Variants in CLASP2 observed in about 807,000 individuals in gnomAD.
CLASP2 encodes CLIP-associating protein 2.
A neutral mutation model predicts 194.4 loss-of-function variants in CLASP2; 47 were observed. The observed-to-expected ratio is 0.24, with a 90% confidence interval of 0.19 to 0.31. CLASP2 has a LOEUF of 0.31. Ranked by LOEUF, CLASP2 falls within the 10% of genes least tolerant of loss-of-function variation. The pLI is 1.00. For synonymous variants in CLASP2, 619 were observed against 633.5 expected (o/e 0.98, Z 0.34); for missense variants, 1,445 against 1,823.6 (o/e 0.79, Z 3.78).
At position 33,603,079 on chromosome 3, in the gene CLASP2, C is replaced by T. The variant is rs1454149289; in HGVS notation, c.1797G>A (p.Gln599=). 6.3e-7 allele frequency: 1 copy of T among 1,592,952 alleles called. No individual in the cohort carries two copies. The highest frequency in any genetic ancestry group is 1.1e-5 in the South Asian group (1 of 87,834). The change falls in exon 18 of 39, where the codon CAG becomes CAA. Residue 599 remains glutamine, a synonymous_variant. Coordinates refer to ENST00000682230, the MANE Select transcript of CLASP2 (RefSeq NM_001365631.1). ...SKASSLPGSL[Q]RSRSDIDVNA... ...TCACATCAATGTCACTTCGTGAACG[C>T]TGCAGGCTTCCTGGAAGGGAACTGG...
chr3:33,593,828 C>A (rs1044952756), intron 20 of CLASP2, among the ~76,000 whole-genome samples: 1 of 152,074 alleles, frequency 6.6e-6, no homozygotes, highest in East Asian at 1.9e-4. Context: ...TTCCACAGTG[C>A]GAGAAATCAT....
chr3:33,530,006 A>AAAT (rs1308618787), intron 34 of CLASP2, among the ~76,000 whole-genome samples: 36 of 150,726 alleles, frequency 2.4e-4, no homozygotes, highest in African/African-American at 8.6e-4. Flanking sequence ...AAAAAAAAAA[A>AAAT]AAAAAGATCT....
chr3:33,587,437 T>C (rs1265757717), intron 21 of CLASP2, among the ~76,000 whole-genome samples: 1 of 152,214 alleles, frequency 6.6e-6, no homozygotes, highest in Non-Finnish European at 1.5e-5. Context: ...CTGTGATTCT[T>C]ACTACAGTTT....
chr3:33,681,396 A>AGCCTGGGT (rs1553666180), intron 6 of CLASP2, among the ~76,000 whole-genome samples: 4 of 151,472 alleles, frequency 2.6e-5, no homozygotes, highest in Non-Finnish European at 3.0e-5. Context: ...AGAGACAATC[A>AGCCTGGGT]AATATAATGA....
intron 6 of CLASP2, among the ~76,000 whole-genome samples, chr3:33,671,384 C>T (rs1559591777): frequency 1.3e-5 from 2 of 152,034 alleles, no homozygotes; most frequent in Non-Finnish European, 2.9e-5. Flanking sequence ...GAGCAAGTAA[C>T]AGAACCAGAT....
At chr3:33,512,890 T>G (rs969018702) in intron 36 of CLASP2, among the ~76,000 whole-genome samples, 1 of 152,072 alleles carries the variant, frequency 6.6e-6, no homozygotes, top group Non-Finnish European at 1.5e-5. Flanking sequence ...TTAGGGAGGC[T>G]GAGGCAGGAG....
At chr3:33,612,374 C>T (rs2075347923) in intron 12 of CLASP2, among the ~76,000 whole-genome samples, 1 of 152,100 alleles carries the variant, frequency 6.6e-6, no homozygotes, top group Non-Finnish European at 1.5e-5. Context: ...CTAAGAGGGA[C>T]TGGGCATGTA....
At chr3:33,513,910 T>C (rs1220617235) in intron 36 of CLASP2, among the ~76,000 whole-genome samples, 1 of 152,210 alleles carries the variant, frequency 6.6e-6, no homozygotes, top group Non-Finnish European at 1.5e-5. Context: ...CTGCAAAATT[T>C]TTCTCCCATT....
rs2045959414 is a variant in CLASP2, at chr3:33,497,592, A to G, written c.*1039T>C. 1 of 152,596 alleles carries G rather than the reference A, an allele frequency of 6.6e-6. No homozygotes were observed. The highest frequency in any genetic ancestry group is 2.1e-4 in the South Asian group (1 of 4,826). The allele number at this position is 152,596 out of a possible 1,614,324, so 9.5% of individuals were successfully genotyped here. Reference sequence around the variant, plus strand: ...ATTATACAAAGACAGCCTTGGCACCATCTTCTCTCTCATCAGGATCAATAT... The same window carrying G: ...ATTATACAAAGACAGCCTTGGCACCGTCTTCTCTCTCATCAGGATCAATAT... On this transcript the variant is annotated 3_prime_UTR_variant, in exon 39 of 39. Transcript: ENST00000682230.
intron 18 of CLASP2, among the ~76,000 whole-genome samples, chr3:33,598,071 T>G (rs911946158): frequency 3.3e-5 from 5 of 152,066 alleles, no homozygotes; most frequent in Non-Finnish European, 7.4e-5. Flanking sequence ...TCTATTTCAT[T>G]GCTTGAGGAA....
At chr3:33,685,428 A>G (rs1178850102) in intron 5 of CLASP2, among the ~76,000 whole-genome samples, 1 of 151,476 alleles carries the variant, frequency 6.6e-6, no homozygotes, top group Non-Finnish European at 1.5e-5. Flanking sequence ...ACAAATTATG[A>G]TCACGGTTAA....
At chr3:33,626,953 GA>G in intron 10 of CLASP2, 34 bp downstream of exon 10, 1 of 1,264,170 alleles carries the variant, frequency 7.9e-7, no homozygotes, top group East Asian at 2.4e-5. Flanking sequence ...CATCAATAAA[GA>G]AAGAAGATAA....
Position 33,632,317 on chromosome 3 carries a change from G to C in CLASP2, c.917C>G (p.Ala306Gly), listed in dbSNP as rs2079235654. The C allele has an allele frequency of 6.2e-7, 1 of 1,605,498 alleles. No homozygotes were observed. Among genetic ancestry groups the C allele is most frequent in the Non-Finnish European group, 8.5e-7 (1 of 1,176,382 alleles). Residue 306 changes from alanine to glycine, a missense_variant, in exon 9 of 39, where the codon GCT (alanine) becomes GGT (glycine). Coordinates refer to ENST00000682230, the MANE Select transcript of CLASP2 (RefSeq NM_001365631.1). Reference sequence around the variant, plus strand: ...CTGAATAGAAGGGACATCTGTAAAAGCTTTTATAAAATCATCTTCATCAAC... The same window carrying C: ...CTGAATAGAAGGGACATCTGTAAAACCTTTTATAAAATCATCTTCATCAAC... The part of the protein sequence containing the change: ...GAVDEDDFIK[A>G]FTDVPSIQIY...
intron 21 of CLASP2, among the ~76,000 whole-genome samples, chr3:33,585,466 A>C (rs1469266032): frequency 1.3e-5 from 2 of 152,234 alleles, no homozygotes; most frequent in Non-Finnish European, 2.9e-5. Context: ...AATCCTATAC[A>C]GTATGCCATT....
At chr3:33,533,307 T>C (rs1014957852) in intron 34 of CLASP2, among the ~76,000 whole-genome samples, 15 of 152,196 alleles carry the variant, frequency 9.9e-5, no homozygotes, top group African/African-American at 3.4e-4. Flanking sequence ...AAGTCTATAA[T>C]TGTGGCAATT....
At position 33,627,080 on chromosome 3, in the gene CLASP2, T is replaced by A; in HGVS notation, c.943A>T (p.Ile315Phe). The stretch of plus-strand genomic sequence containing the variant: ...TCTTCGAGTTCTCGACTAGAATAAA[T>A]CTTAAAAAAAAGATTCAGAATTATA... Reference protein sequence around the residue: ...KAFTDVPSIQIYSSRELEETL... With the variant: ...KAFTDVPSIQFYSSRELEETL... Residue 315 changes from isoleucine (I) to phenylalanine (F), a missense_variant and splice_region_variant, in exon 10 of 39, where the codon ATT (isoleucine) becomes TTT (phenylalanine). Ile to Phe is a conservative substitution (Grantham distance 21). Around this residue, in one of 4 missense-constraint regions of CLASP2, gnomAD observed 207 missense variants for 331.4 expected, o/e 0.62. Transcript: ENST00000682230. 1 of 1,483,754 alleles carries A rather than the reference T, an allele frequency of 6.7e-7. No individual in the cohort carries two copies. The highest frequency in any genetic ancestry group is 1.4e-5 in the African/African-American group (1 of 72,194). The allele number at this position is 1,483,754 out of a possible 1,614,324, so 91.9% of individuals were successfully genotyped here.
chr3:33,509,552 G>T (rs761951555), intron 37 of CLASP2, among the ~76,000 whole-genome samples: 5 of 152,164 alleles, frequency 3.3e-5, no homozygotes, highest in Non-Finnish European at 7.3e-5. Flanking sequence ...CATAGACAAA[G>T]ATATCTAGAT....
chr3:33,700,388 C>T (rs748296533), intron 1 of CLASP2, among the ~76,000 whole-genome samples: 7 of 151,776 alleles, frequency 4.6e-5, no homozygotes, highest in Non-Finnish European at 7.4e-5. Flanking sequence ...GATTGTGTCA[C>T]TGCACTCCAG....
chr3:33,616,426 T>A (rs935859482), intron 12 of CLASP2, among the ~76,000 whole-genome samples: 1 of 152,136 alleles, frequency 6.6e-6, no homozygotes, highest in Non-Finnish European at 1.5e-5. Flanking sequence ...AAAATCTTAC[T>A]AAACTTAGCC....
Sources: allele counts gnomAD v4.1 joint callset (sites outside exome capture counted in the v4.1 genomes callset), GRCh38; gene constraint gnomAD v4.1.1; regional missense constraint gnomAD v4.1.1; transcripts MANE v1.5; gene names NCBI Gene and HGNC (gene_info 2026-07-23, HGNC 2026-07-21).